Variants in PHF2 observed in about 807,000 individuals in gnomAD.
The protein encoded by PHF2 is PHD finger protein 2.
A neutral mutation model predicts 120.5 loss-of-function variants in PHF2; 27 were observed. That is an observed-to-expected ratio of 0.22 (90% confidence interval 0.17 to 0.31). The LOEUF (loss-of-function observed/expected upper bound fraction) is 0.31, where lower values mean the gene tolerates loss of function less well. Among genes scored for constraint, PHF2 ranks in the 10% least tolerant of loss-of-function variants. The pLI, the probability that PHF2 is intolerant of heterozygous loss-of-function variation, is 1.00. For missense variants in PHF2, 1,024 were observed against 1,434.8 expected (o/e 0.71, Z 4.63); for synonymous variants, 568 against 592.5 (o/e 0.96, Z 0.60).
chr9:93,624,204 A>T (rs1164575022), intron 1 of PHF2, among the ~76,000 whole-genome samples: 2 of 152,256 alleles, frequency 1.3e-5, no homozygotes, highest in Non-Finnish European at 2.9e-5. Flanking sequence ...AGTTCTTAGC[A>T]TGCTGCGTGT....
intron 1 of PHF2, among the ~76,000 whole-genome samples, chr9:93,582,236 G>T (rs1222633283): frequency 2.6e-5 from 4 of 152,190 alleles, no homozygotes; most frequent in Non-Finnish European, 4.4e-5. Flanking sequence ...GAGGGTGCAG[G>T]TGAGGAGGTG....
chr9:93,650,750 C>A (rs1035479392), intron 5 of PHF2, among the ~76,000 whole-genome samples: 5 of 152,210 alleles, frequency 3.3e-5, no homozygotes, highest in African/African-American at 4.8e-5. Context: ...TCCATCACAT[C>A]ACCTCTGCCC....
rs1478582066 is a variant in PHF2 at position 93,656,738 on chromosome 9, G to C, written c.1147+143G>C. ...TCCTCTTGGGACTCAGACCCCTGGGGCTCAGTTTCCCCATCTGTATAATGC... is the reference window on the plus strand; with the variant it reads ...TCCTCTTGGGACTCAGACCCCTGGGCCTCAGTTTCCCCATCTGTATAATGC... On this transcript the variant is annotated intron_variant, in intron 9 of 21. Transcript: ENST00000359246. This position sits in a 1 kb window ranked among gnomAD's most constrained non-coding sequence, Gnocchi z 4.1. 1.6e-6 allele frequency: 1 copy of C among 640,268 alleles called. No individual in the cohort carries two copies. Among genetic ancestry groups the C allele is most frequent in the East Asian group, 2.5e-5 (1 of 39,218 alleles). 39.7% of individuals were successfully genotyped at this position (640,268 alleles called of 1,614,324 possible).
intron 17 of PHF2, among the ~76,000 whole-genome samples, chr9:93,668,144 T>C (rs2118058745): frequency 6.6e-6 from 1 of 152,376 alleles, no homozygotes; most frequent in Middle Eastern, 3.4e-3. Context: ...TGCAATATTA[T>C]GTTCATGTAA....
At chr9:93,600,024 G>A (rs1169762571) in intron 1 of PHF2, among the ~76,000 whole-genome samples, 6 of 152,322 alleles carry the variant, frequency 3.9e-5, no homozygotes, top group East Asian at 1.9e-4. Flanking sequence ...TGCAGCCTGC[G>A]TGGCCAGGTG....
At chr9:93,637,999 C>G (rs1274259263) in intron 3 of PHF2, among the ~76,000 whole-genome samples, 1 of 152,126 alleles carries the variant, frequency 6.6e-6, no homozygotes, top group Non-Finnish European at 1.5e-5. Flanking sequence ...GAACTGGTAT[C>G]TTATTTTTTG....
At chr9:93,613,125 A>G (rs1274045789) in intron 1 of PHF2, among the ~76,000 whole-genome samples, 1 of 152,254 alleles carries the variant, frequency 6.6e-6, no homozygotes, top group Non-Finnish European at 1.5e-5. Context: ...TGTCCAGGGT[A>G]AGTGACTTAC....
rs1292957537 is a variant in PHF2, at chr9:93,576,836, C to A, written c.63C>A (p.Ile21=). 6 of 1,287,684 alleles carry A rather than the reference C, an allele frequency of 4.7e-6. No individual in the cohort carries two copies. The highest frequency in any genetic ancestry group is 5.1e-6 in the Non-Finnish European group (5 of 982,044). The allele number at this position is 1,287,684 out of a possible 1,614,324, so 79.8% of individuals were successfully genotyped here. ...CCTACGACGTTACCCGCTTCATGAT[C>A]GAGTGCGACGCCTGCAAGGACTGGT... ...RLPYDVTRFM[I]ECDACKDWFH... The change falls in exon 1 of 22, where the codon ATC becomes ATA. Residue 21 remains isoleucine (I), a synonymous_variant. Transcript: ENST00000359246.
intron 14 of PHF2, among the ~76,000 whole-genome samples, chr9:93,664,775 G>T (rs185881105): frequency 4.3e-4 from 65 of 152,362 alleles, no homozygotes; most frequent in Admixed American, 2.6e-4. Context: ...ACTCTGTGAC[G>T]GTGCTAGGGA....
At chr9:93,649,011 G>A in intron 4 of PHF2, 60 bp from the exon 5 acceptor site, 2 of 1,541,754 alleles carry the variant, frequency 1.3e-6, no homozygotes, top group South Asian at 2.4e-5. Flanking sequence ...ACACGTCCTG[G>A]CCTCAGGGAG....
chr9:93,625,644 A>T (rs1825903741), intron 1 of PHF2, among the ~76,000 whole-genome samples: 1 of 151,660 alleles, frequency 6.6e-6, no homozygotes, highest in Non-Finnish European at 1.5e-5. Flanking sequence ...TGCCCAGCTA[A>T]TTTTTGTATT....
chr9:93,658,061 C>A, intron 9 of PHF2, 84 bp from the exon 10 acceptor site: 4 of 865,736 alleles, frequency 4.6e-6, no homozygotes, highest in Non-Finnish European at 7.5e-6. Context: ...GACCTGGCAT[C>A]CCCCGGTCTG....
intron 1 of PHF2, among the ~76,000 whole-genome samples, chr9:93,599,454 C>G (rs1462140216): frequency 6.6e-6 from 1 of 152,194 alleles, no homozygotes; most frequent in Non-Finnish European, 1.5e-5. Context: ...GGGTTCCTGA[C>G]AAATTCCAAA....
chr9:93,662,822 A>C (rs1826601960), intron 12 of PHF2, 85 bp from the exon 13 acceptor site: 1 of 1,537,296 alleles, frequency 6.5e-7, no homozygotes, highest in African/African-American at 1.4e-5. Context: ...CACATGGGCC[A>C]GAAGAAGACA....
chr9:93,622,162 G>A (rs1172573062), intron 1 of PHF2, among the ~76,000 whole-genome samples: 1 of 152,190 alleles, frequency 6.6e-6, no homozygotes, highest in Non-Finnish European at 1.5e-5. Context: ...GTGGCCAGAG[G>A]GATGGAGTTT....
chr9:93,657,387 C>A (rs1826480079), intron 9 of PHF2, among the ~76,000 whole-genome samples: 1 of 152,122 alleles, frequency 6.6e-6, no homozygotes. Flanking sequence ...AATCTGGAGC[C>A]CTGAGCTTGA....
chr9:93,659,490 C>T (rs1283635025), intron 10 of PHF2, 21 bp from the exon 11 acceptor site: 1 of 1,609,730 alleles, frequency 6.2e-7, no homozygotes, highest in Non-Finnish European at 8.5e-7. Context: ...GGTGCTGACC[C>T]TGGGTCCGGT....
intron 12 of PHF2, among the ~76,000 whole-genome samples, chr9:93,661,552 T>G (rs1295516359): frequency 6.6e-6 from 1 of 152,178 alleles, no homozygotes; most frequent in Non-Finnish European, 1.5e-5. Context: ...GATGGCTACA[T>G]GAACGAATTG....
chr9:93,665,932 C>T, intron 15 of PHF2, 58 bp from the exon 16 acceptor site: 2 of 1,612,036 alleles, frequency 1.2e-6, no homozygotes, highest in Admixed American at 1.7e-5. Flanking sequence ...GAGGTCTTCC[C>T]AGGGTGGCTG....
Sources: allele counts gnomAD v4.1 joint callset (sites outside exome capture counted in the v4.1 genomes callset), GRCh38; gene constraint gnomAD v4.1.1; non-coding constraint Gnocchi (gnomAD v3.1); transcripts MANE v1.5; gene names NCBI Gene and HGNC (gene_info 2026-07-23, HGNC 2026-07-21).